The following ABCA6 variants were observed in gnomAD, a reference collection of about 807,000 sequenced individuals.
The protein encoded by ABCA6 is ATP binding cassette subfamily A member 6.
A neutral mutation model predicts 191.2 loss-of-function variants in ABCA6; 164 were observed. That is an observed-to-expected ratio of 0.86 (90% CI 0.76 to 0.98). ABCA6 has a LOEUF of 0.98. Among genes scored for constraint, ABCA6 ranks in the 50% least tolerant of loss-of-function variants. ABCA6 has a pLI of 0.00. For synonymous variants in ABCA6, 636 were observed against 647.7 expected, an observed-to-expected ratio of 0.98 and a Z score of 0.27; for missense variants, 1,958 against 1,894.1, an observed-to-expected ratio of 1.03 and a Z score of -0.63.
chr17:69,100,944 G>A lies in ABCA6; in HGVS notation c.2875-10C>T. 1 of 1,566,134 alleles carries A rather than the reference G, an allele frequency of 6.4e-7. No individual in the cohort carries two copies. The highest frequency in any genetic ancestry group is 1.4e-5 in the African/African-American group (1 of 72,864). ...CTGAAAATCTATAATCCTTAAAACAGAAACAAATAAATAATGTTAATGCTA... is the reference window on the plus strand; with the variant it reads ...CTGAAAATCTATAATCCTTAAAACAAAAACAAATAAATAATGTTAATGCTA... On this transcript the variant is annotated splice_polypyrimidine_tract_variant and intron_variant, in intron 21 of 38. Transcript: ENST00000284425.
intron 34 of ABCA6, 135 bp from the exon 35 acceptor site, chr17:69,083,466 T>C: frequency 1.3e-6 from 1 of 794,194 alleles, no homozygotes; most frequent in South Asian, 4.4e-5. Context: ...ACTAGGTTTT[T>C]GATAACATAA....
intron 22 of ABCA6, 123 bp from the exon 23 acceptor site, chr17:69,098,150 T>C: frequency 1.7e-6 from 1 of 579,698 alleles, no homozygotes; most frequent in East Asian, 3.3e-5. Flanking sequence ...CTCATTACCA[T>C]CTAGGCACGA....
Position 69,100,864 on chromosome 17 carries a change from C to A in ABCA6, c.2945G>T (p.Ser982Ile). The stretch of plus-strand genomic sequence containing the variant: ...ATTAAACATTTGAAGTAGCCCATTG[C>A]TGATAATATTCATAAGAATTGGAAA... ...HCFPILMNII[S>I]NGLLQMFNHT... Residue 982 changes from serine to isoleucine, a missense_variant, in exon 22 of 39, where the codon AGC becomes ATC. Transcript: ENST00000284425. 1 of 1,611,972 alleles carries A rather than the reference C, an allele frequency of 6.2e-7. No homozygotes were observed. Among genetic ancestry groups the A allele is most frequent in the Non-Finnish European group, 8.5e-7 (1 of 1,178,784 alleles).
intron 11 of ABCA6, among the ~76,000 whole-genome samples, chr17:69,117,451 T>C (rs1163768488): frequency 6.6e-6 from 1 of 152,070 alleles, no homozygotes; most frequent in Non-Finnish European, 1.5e-5. Flanking sequence ...AAATTATAAC[T>C]TAGGTTTGTT....
At chr17:69,103,048 ATTAAAGTTAATAT>A (rs2073217038) in intron 20 of ABCA6, 80 bp from the exon 21 acceptor site, 2 of 809,288 alleles carry the variant, frequency 2.5e-6, no homozygotes, top group East Asian at 5.9e-5. Context: ...CATATACATA[ATTAAAGTTAATAT>A]TTATGGAATA....
chr17:69,134,521 C>T, intron 5 of ABCA6, 118 bp downstream of exon 5: 1 of 712,802 alleles, frequency 1.4e-6, no homozygotes, highest in Non-Finnish European at 2.3e-6. Flanking sequence ...ATTACCCAAT[C>T]TCAAGTATTT....
intron 8 of ABCA6, among the ~76,000 whole-genome samples, chr17:69,125,922 A>G (rs1439722223): frequency 6.6e-6 from 1 of 152,172 alleles, no homozygotes; most frequent in African/African-American, 2.4e-5. Flanking sequence ...AACTAAGATG[A>G]ATCTTCCTTA....
At chr17:69,112,495 C>T (rs1486323321) in intron 15 of ABCA6, 4 of 445,774 alleles carry the variant, frequency 9.0e-6, no homozygotes, top group African/African-American at 2.0e-5. Context: ...GAAACCATGT[C>T]TTTTGCAGCA....
Position 69,136,124 on chromosome 17 carries a change from T to A in ABCA6, c.428A>T (p.Tyr143Phe). 1 of 1,610,466 alleles carries A rather than the reference T, an allele frequency of 6.2e-7. No homozygotes were observed. ...FSYKLIFFQG[Y>F]NSPLWKEDFS... The stretch of plus-strand genomic sequence containing the variant: ...ATCTTCTTTCCAAAGTGGACTGTTA[T>A]ATCCCTGGAAAAATATTAACTTATA... The change falls in exon 4 of 39, where the codon TAT becomes TTT. Residue 143 changes from tyrosine (Y) to phenylalanine (F), a missense_variant. By Grantham distance (22) the Tyr-to-Phe change is conservative (BLOSUM62 3). Transcript: ENST00000284425.
intron 11 of ABCA6, among the ~76,000 whole-genome samples, chr17:69,117,230 T>C (rs1598041575): frequency 6.6e-6 from 1 of 152,108 alleles, no homozygotes; most frequent in Non-Finnish European, 1.5e-5. Flanking sequence ...CGGAGAACTC[T>C]ACACTTCTGG....
In ABCA6 at chr17:69,102,818, C is replaced by A; in HGVS notation, c.2874+17G>T. 2 of 1,559,330 alleles carry A rather than the reference C, an allele frequency of 1.3e-6. No homozygotes were observed. The highest frequency in any genetic ancestry group is 1.7e-6 in the Non-Finnish European group (2 of 1,162,424). ...GTACTTTTTGTTTTTTTCATAAAAG[C>A]AAAAAGGCAAACATACCTTTTGTTT... On this transcript the variant is annotated intron_variant, in intron 21 of 38. Coordinates refer to ENST00000284425, the MANE Select transcript of ABCA6 (RefSeq NM_080284.3).
chr17:69,139,210 C>T (rs868778836), intron 2 of ABCA6, among the ~76,000 whole-genome samples: 12 of 151,804 alleles, frequency 7.9e-5, no homozygotes, highest in African/African-American at 2.4e-4. Context: ...GACAAAGGGC[C>T]AATATCCAGA....
chr17:69,130,652 A>G (rs889942909), intron 6 of ABCA6, among the ~76,000 whole-genome samples: 4 of 152,202 alleles, frequency 2.6e-5, no homozygotes, highest in East Asian at 1.9e-4. Context: ...AGAAAAATGT[A>G]CAAGAGTGTT....
chr17:69,081,684 CAT>C (rs1458215359), intron 36 of ABCA6, among the ~76,000 whole-genome samples: 1 of 152,118 alleles, frequency 6.6e-6, no homozygotes, highest in African/African-American at 2.4e-5. Context: ...GTAAGGAAGA[CAT>C]ATTTATTCTG....
At chr17:69,106,431 A>G (rs2073305807) in intron 18 of ABCA6, among the ~76,000 whole-genome samples, 1 of 151,926 alleles carries the variant, frequency 6.6e-6, no homozygotes, top group South Asian at 2.1e-4. Flanking sequence ...TGTCTCTACT[A>G]AAAATACAAA....
At chr17:69,140,778 C>T (rs1482630040) in intron 1 of ABCA6, 30 bp from the exon 2 acceptor site, 11 of 931,544 alleles carry the variant, frequency 1.2e-5, no homozygotes, top group Non-Finnish European at 1.6e-5. Flanking sequence ...ATAAGAAAAA[C>T]CTTGATCATA....
intron 2 of ABCA6, among the ~76,000 whole-genome samples, chr17:69,138,589 A>C (rs2073983710): frequency 1.3e-5 from 2 of 151,726 alleles, no homozygotes; most frequent in South Asian, 4.2e-4. Flanking sequence ...GAATTGGAAA[A>C]AACTACTTTA....
At chr17:69,120,959 A>G (rs1266011566) in intron 10 of ABCA6, among the ~76,000 whole-genome samples, 2 of 152,038 alleles carry the variant, frequency 1.3e-5, no homozygotes, top group Admixed American at 1.3e-4. Context: ...ACTTTCATCC[A>G]TACCCCTGAT....
rs557846719 is a variant in ABCA6 at position 69,139,314 on chromosome 17, G to A, written c.96+1294C>T. ...TATGAAAAGACACTTCTCAAAAGAA[G>A]ACATTTATGCAGCCAAAAGACACAT... On this transcript the variant is annotated intron_variant, in intron 2 of 38. Transcript: ENST00000284425. Among the ~76,000 whole-genome samples, 5 of 152,266 alleles carry A rather than the reference G, an allele frequency of 3.3e-5. No individual in the cohort carries two copies. The South Asian group carries it at 1.0e-3, about 32-fold the overall frequency.
Sources: allele counts gnomAD v4.1 joint callset (sites outside exome capture counted in the v4.1 genomes callset), GRCh38; gene constraint gnomAD v4.1.1; transcripts MANE v1.5; gene names NCBI Gene and HGNC (gene_info 2026-07-23, HGNC 2026-07-21).